COL2A1: variants seen among roughly 807,000 people sequenced by gnomAD.
COL2A1 encodes collagen alpha-1(II) chain.
A neutral mutation model predicts 204.5 loss-of-function variants in COL2A1; 28 were observed. The observed-to-expected ratio is 0.14, with a 90% CI of 0.10 to 0.19. The LOEUF (loss-of-function observed/expected upper bound fraction) is 0.19. COL2A1 is among the 10% of genes least tolerant of loss of function. The pLI is 1.00. For missense variants in COL2A1, 1,388 were observed against 2,027.5 expected (o/e 0.68, Z 6.06); for synonymous variants, 708 against 718.7 (o/e 0.99, Z 0.24).
At chr12:47,984,245 C>T in intron 28 of COL2A1, 105 bp from the exon 29 acceptor site, 1 of 1,021,946 alleles carries the variant, frequency 9.8e-7, no homozygotes, top group Non-Finnish European at 1.5e-6. Flanking sequence ...TCCAGACCTC[C>T]ACGGTACCCC....
intron 2 of COL2A1, chr12:47,998,711 C>T (rs762008946): frequency 2.3e-6 from 1 of 442,786 alleles, no homozygotes; most frequent in Non-Finnish European, 4.0e-6. Context: ...CACAAAAAGG[C>T]AATGAAGAGC....
At chr12:47,975,752 C>T (rs1938676419) in intron 50 of COL2A1, 147 bp from the exon 51 acceptor site, 1 of 900,354 alleles carries the variant, frequency 1.1e-6, no homozygotes, top group Non-Finnish European at 1.7e-6. Context: ...AAGGAAACCA[C>T]AGCACCATGT....
Position 47,980,490 on chromosome 12 carries a change from T to A in COL2A1, c.2625+64A>T. The A allele has an allele frequency of 2.8e-6, 4 of 1,427,676 alleles. No individual in the cohort carries two copies. Among genetic ancestry groups the A allele is most frequent in the Non-Finnish European group, 1.9e-6 (2 of 1,032,726 alleles). The allele number at this position is 1,427,676 out of a possible 1,614,324, so 88.4% of individuals were successfully genotyped here. On this transcript the variant is annotated intron_variant, in intron 39 of 53. Coordinates refer to ENST00000380518, the MANE Select transcript of COL2A1 (RefSeq NM_001844.5). The surrounding 1 kb of genome is among the most constrained non-coding windows in gnomAD (Gnocchi z 4.5). ...ATCCTCTGCGCAGCCTGCTGGGGCC[T>A]TCCCATCTGCACGCCAGGAGCCCTT...
intron 1 of COL2A1, chr12:48,002,680 G>A (rs1940287034): frequency 6.6e-6 from 1 of 152,264 alleles, no homozygotes; most frequent in Non-Finnish European, 1.5e-5. Context: ...CTAAGGCAGG[G>A]GTCAGTCAAG....
chr12:47,985,168 T>TG, intron 26 of COL2A1, 75 bp from the exon 27 acceptor site: 6 of 1,223,428 alleles, frequency 4.9e-6, no homozygotes, highest in South Asian at 1.3e-5. Context: ...ACTAAGGGCC[T>TG]ACATGGCAGG....
At position 47,978,468 on chromosome 12, in the gene COL2A1, T is replaced by C; in HGVS notation, c.2896-70A>G. 1 of 1,569,254 alleles carries C rather than the reference T, an allele frequency of 6.4e-7. No individual in the cohort carries two copies. The highest frequency in any genetic ancestry group is 1.7e-4 in the Middle Eastern group (1 of 5,996). Reference sequence around the variant, plus strand: ...CTCTTCTGTCCTCTCAGCACAGCTCTGTCTGTGCAGCCCCGCTCCCTGGCA... The same window carrying C: ...CTCTTCTGTCCTCTCAGCACAGCTCCGTCTGTGCAGCCCCGCTCCCTGGCA... On this transcript the variant is annotated intron_variant, in intron 42 of 53. Transcript: ENST00000380518. The surrounding 1 kb of genome is among the most constrained non-coding windows in gnomAD (Gnocchi z 5.5).
intron 12 of COL2A1, 88 bp from the exon 13 acceptor site, chr12:47,994,135 T>C: frequency 6.9e-7 from 1 of 1,451,350 alleles, no homozygotes; most frequent in Non-Finnish European, 9.7e-7. Flanking sequence ...CCAGTTCCCT[T>C]GGGCCACCAG....
intron 15 of COL2A1, 115 bp downstream of exon 15, chr12:47,993,343 A>C: frequency 2.3e-6 from 2 of 882,454 alleles, no homozygotes; most frequent in African/African-American, 3.3e-5. Flanking sequence ...TTTTGCTCAC[A>C]ATCAGATGAA....
At position 47,995,912 on chromosome 12, in the gene COL2A1, A is replaced by G. The variant is rs1270797857; in HGVS notation, c.617T>C (p.Met206Thr). The G allele has an allele frequency of 4.3e-6, 7 of 1,613,248 alleles. No homozygotes were observed. The highest frequency in any genetic ancestry group is 5.9e-6 in the Non-Finnish European group (7 of 1,179,168). ...AGGGCCTGGAGGTCCTCGAGGTCCCATGGGGCCCTGCATCGGAACAGAAAA... is the reference window on the plus strand; with the variant it reads ...AGGGCCTGGAGGTCCTCGAGGTCCCGTGGGGCCCTGCATCGGAACAGAAAA... Reference protein sequence around the residue: ...LGVMQGPMGPMGPRGPPGPAG... With the variant: ...LGVMQGPMGPTGPRGPPGPAG... The change falls in exon 9 of 54, where the codon ATG becomes ACG. Residue 206 changes from methionine (M) to threonine (T), a missense_variant. Met to Thr is a moderately conservative substitution (Grantham distance 81). Transcript: ENST00000380518.
At chr12:47,983,636 C>T in intron 30 of COL2A1, 47 bp downstream of exon 30, 1 of 1,570,226 alleles carries the variant, frequency 6.4e-7, no homozygotes, top group Non-Finnish European at 8.6e-7. Context: ...CCAGGGAGCC[C>T]TGGGTATGGC....
intron 50 of COL2A1, 80 bp downstream of exon 50, chr12:47,975,883 G>A (rs1191215333): frequency 9.3e-7 from 1 of 1,079,266 alleles, no homozygotes; most frequent in East Asian, 2.4e-5. Flanking sequence ...TGCCCTAAAA[G>A]AGGCCCTGAG....
intron 44 of COL2A1, 69 bp downstream of exon 44, chr12:47,977,941 G>T: frequency 7.0e-7 from 1 of 1,429,616 alleles, no homozygotes; most frequent in Non-Finnish European, 9.8e-7. Flanking sequence ...TGTCCTTGCT[G>T]ACCCAGCACA....
Position 47,982,130 on chromosome 12 carries a change from C to T in COL2A1, c.2332G>A (p.Ala778Thr), listed in dbSNP as rs762047461. 3 of 1,613,946 alleles carry T rather than the reference C, an allele frequency of 1.9e-6. No individual in the cohort carries two copies. The highest frequency in any genetic ancestry group is 2.2e-5 in the South Asian group (2 of 91,082). ...ACTCGTCCACCATCCTTTCCAGGGG[C>T]TCCCTCAGGGCCTTTCTCACCAACG... ...GDVGEKGPEG[A>T]PGKDGGRGLT... is the part of the protein sequence containing the mutation. Residue 778 changes from alanine to threonine, a missense_variant, in exon 35 of 54, where the codon GCC (alanine) becomes ACC (threonine). Transcript: ENST00000380518.
intron 29 of COL2A1, 88 bp downstream of exon 29, chr12:47,983,999 C>T: frequency 8.2e-7 from 1 of 1,218,394 alleles, no homozygotes; most frequent in Non-Finnish European, 1.2e-6. Flanking sequence ...TCACATCTGT[C>T]AGCTCCATTA....
Position 47,977,169 on chromosome 12 carries a change from G to A in COL2A1, c.3274-14C>T, listed in dbSNP as rs1565669770. 6.2e-7 allele frequency: 1 copy of A among 1,611,208 alleles called. No homozygotes were observed. Among genetic ancestry groups the A allele is most frequent in the Non-Finnish European group, 8.5e-7 (1 of 1,178,922 alleles). On this transcript the variant is annotated splice_polypyrimidine_tract_variant and intron_variant, in intron 46 of 53. Coordinates refer to ENST00000380518, the MANE Select transcript of COL2A1 (RefSeq NM_001844.5). ...GCCTTGTGCACCCTGAGGAGAGAGT[G>A]AGCGCAGCGTCAGAGAAAAGCCAGG...
At chr12:47,982,241 G>A in intron 34 of COL2A1, 81 bp from the exon 35 acceptor site, 1 of 1,279,398 alleles carries the variant, frequency 7.8e-7, no homozygotes, top group Non-Finnish European at 1.1e-6. Flanking sequence ...AGGCTGGGGT[G>A]CTAGGGAAAG....
intron 40 of COL2A1, 130 bp from the exon 41 acceptor site, chr12:47,979,694 G>C: frequency 2.3e-6 from 2 of 872,940 alleles, no homozygotes; most frequent in Non-Finnish European, 3.7e-6. Flanking sequence ...CAGCAAGGGG[G>C]ATCCAGGGAG....
chr12:48,003,538 G>A (rs1435298406), intron 1 of COL2A1, among the ~76,000 whole-genome samples: 1 of 152,140 alleles, frequency 6.6e-6, no homozygotes, highest in Non-Finnish European at 1.5e-5. Flanking sequence ...CCCTTTATCA[G>A]AAGAGAGGCG....
At position 47,999,661 on chromosome 12, in the gene COL2A1, C is replaced by T. The variant is rs1635532; in HGVS notation, c.292+258G>A. 0.69 allele frequency: 106,246 copies of T among 153,234 alleles called. 35,093 individuals are homozygous for T. Among genetic ancestry groups the T allele is most frequent in the Non-Finnish European group, 0.75 (68,337 of 91,218 alleles). 9.5% of individuals were successfully genotyped at this position (153,234 alleles called of 1,614,324 possible). On this transcript the variant is annotated intron_variant, in intron 2 of 53. Coordinates refer to ENST00000380518, the MANE Select transcript of COL2A1 (RefSeq NM_001844.5). The stretch of plus-strand genomic sequence containing the variant: ...TTTTTTTTTTTTTTTTTTGTAGAAT[C>T]ACATCTGTCCTTCATGTGTCTTGGA...
Sources: gnomAD v4.1 joint callset for allele counts (sites outside exome capture counted in the v4.1 genomes callset) on GRCh38, gnomAD v4.1.1 for gene constraint, Gnocchi (gnomAD v3.1) non-coding constraint, MANE v1.5 for transcripts, NCBI Gene and HGNC (gene_info 2026-07-23, HGNC 2026-07-21) for gene names.